CACNA2D3: variants seen among roughly 807,000 people sequenced by gnomAD.
CACNA2D3 encodes voltage-dependent calcium channel subunit alpha-2/delta-3.
In CACNA2D3, 60 loss-of-function variants were observed where a neutral mutation model predicts 160.6. That is an observed-to-expected ratio of 0.37 (90% confidence interval 0.30 to 0.46). The LOEUF (loss-of-function observed/expected upper bound fraction) is 0.46. Ranked by LOEUF, CACNA2D3 falls within the 20% of genes least tolerant of loss-of-function variation. The probability of loss-of-function intolerance (pLI) is 1.00; values close to 1 mark genes in which losing one functional copy is unlikely to be tolerated. For missense variants in CACNA2D3, 1,205 were observed against 1,365.0 expected (o/e 0.88, Z 1.85); for synonymous variants, 558 against 492.9 (o/e 1.13, Z -1.75).
At chr3:54,829,557 A>T (rs1183852877) in intron 14 of CACNA2D3, among the ~76,000 whole-genome samples, 1 of 152,130 alleles carries the variant, frequency 6.6e-6, no homozygotes, top group African/African-American at 2.4e-5. Context: ...TGGTGCCCTC[A>T]CAAACTAATT....
intron 4 of CACNA2D3, among the ~76,000 whole-genome samples, chr3:54,468,604 C>T (rs984871213): frequency 6.6e-6 from 1 of 152,118 alleles, no homozygotes; most frequent in Admixed American, 6.5e-5. Flanking sequence ...GGAAAGTGGG[C>T]TGAAGTCAGG....
Position 54,835,141 on chromosome 3 carries a change from T to G in CACNA2D3, c.1399-2018T>G, listed in dbSNP as rs75729555. 2.1e-3 allele frequency among the ~76,000 whole-genome samples: 324 copies of G among 152,310 alleles called. 15 individuals are homozygous for G. The East Asian group carries it at 0.057, about 27-fold the overall frequency. ...TCCCAGTCCTAGACAGACCAGGAGA[T>G]TCTTGCTTCATTTTACTTGTCACGG... is the stretch of plus-strand genomic sequence containing the variant. On this transcript the variant is annotated intron_variant, in intron 14 of 37. Coordinates refer to ENST00000474759, the MANE Select transcript of CACNA2D3 (RefSeq NM_018398.3).
At chr3:54,789,766 A>G (rs563609100) in intron 13 of CACNA2D3, 1 of 471,064 alleles carries the variant, frequency 2.1e-6, no homozygotes, top group Admixed American at 2.3e-5. Flanking sequence ...CAAAATTTAG[A>G]TTTTGGATTG....
intron 17 of CACNA2D3, among the ~76,000 whole-genome samples, chr3:54,862,399 ACACACG>A (rs776269906): frequency 4.3e-5 from 6 of 139,082 alleles, no homozygotes; most frequent in Admixed American, 3.0e-4. Context: ...ACACACACAC[ACACACG>A]CACACACACG....
intron 4 of CACNA2D3, among the ~76,000 whole-genome samples, chr3:54,401,726 T>C (rs1354276932): frequency 4.6e-5 from 7 of 152,142 alleles, no homozygotes; most frequent in Non-Finnish European, 1.0e-4. Flanking sequence ...TTATCACCAC[T>C]AAACCCGTCT....
intron 4 of CACNA2D3, among the ~76,000 whole-genome samples, chr3:54,466,681 C>T (rs1456720386): frequency 6.6e-6 from 1 of 152,150 alleles, no homozygotes; most frequent in Non-Finnish European, 1.5e-5. Flanking sequence ...CTTAGTATGA[C>T]TGATATAAAA....
At chr3:54,515,705 A>T (rs1184647483) in intron 5 of CACNA2D3, among the ~76,000 whole-genome samples, 2 of 152,200 alleles carry the variant, frequency 1.3e-5, no homozygotes, top group African/African-American at 4.8e-5. Flanking sequence ...CTCTAAAATG[A>T]TTCTGTGATA....
At chr3:54,760,648 C>T (rs553464230) in intron 12 of CACNA2D3, among the ~76,000 whole-genome samples, 1 of 151,996 alleles carries the variant, frequency 6.6e-6, no homozygotes, top group Admixed American at 6.5e-5. Flanking sequence ...GAGATGATGG[C>T]ATCTTGGAGT....
intron 2 of CACNA2D3, among the ~76,000 whole-genome samples, chr3:54,240,293 G>A (rs558560361): frequency 1.5e-3 from 224 of 152,186 alleles, no homozygotes; most frequent in Non-Finnish European, 2.6e-3. Context: ...CCCATTCGTT[G>A]GTTTTTGGAG....
intron 11 of CACNA2D3, among the ~76,000 whole-genome samples, chr3:54,676,624 C>A (rs1235819602): frequency 6.6e-6 from 1 of 152,092 alleles, no homozygotes; most frequent in Admixed American, 6.6e-5. Context: ...ATTGGAATTG[C>A]CCTTCCCATA....
chr3:54,333,649 G>T (rs1704316119), intron 3 of CACNA2D3, among the ~76,000 whole-genome samples: 1 of 151,626 alleles, frequency 6.6e-6, no homozygotes, highest in African/African-American at 2.4e-5. Context: ...GAGGGAGCTG[G>T]GAAGTGCAGC....
intron 10 of CACNA2D3, among the ~76,000 whole-genome samples, chr3:54,637,048 G>A (rs530907296): frequency 2.0e-5 from 3 of 151,960 alleles, no homozygotes; most frequent in Non-Finnish European, 4.4e-5. Context: ...GCACCACGGG[G>A]TGGATAGGCA....
intron 3 of CACNA2D3, among the ~76,000 whole-genome samples, chr3:54,332,054 T>C (rs73081650): frequency 0.085 from 12,891 of 152,254 alleles, 759 homozygotes; most frequent in South Asian, 0.13. Flanking sequence ...GTGGCACTTA[T>C]CTCTCTGCGC....
chr3:54,251,623 A>G (rs949353679), intron 2 of CACNA2D3, among the ~76,000 whole-genome samples: 23 of 152,320 alleles, frequency 1.5e-4, no homozygotes, highest in African/African-American at 5.3e-4. Flanking sequence ...CCTCTATACC[A>G]ATTCCATCTC....
intron 8 of CACNA2D3, among the ~76,000 whole-genome samples, chr3:54,572,799 C>G (rs1033741113): frequency 1.3e-5 from 2 of 152,202 alleles, no homozygotes; most frequent in African/African-American, 4.8e-5. Context: ...TAATATGAGA[C>G]TATCTTTCTT....
At chr3:54,168,055 T>G (rs1186258083) in intron 2 of CACNA2D3, among the ~76,000 whole-genome samples, 2 of 152,226 alleles carry the variant, frequency 1.3e-5, no homozygotes, top group Non-Finnish European at 2.9e-5. Context: ...TGCTCTATTT[T>G]TGTCTACATT....
chr3:54,915,930 T>C (rs1031451827), intron 27 of CACNA2D3, among the ~76,000 whole-genome samples: 5 of 152,192 alleles, frequency 3.3e-5, no homozygotes, highest in African/African-American at 1.2e-4. Flanking sequence ...TAAAAGGATA[T>C]AAGTGTTGAC....
chr3:54,468,878 G>T (rs971253477), intron 4 of CACNA2D3, among the ~76,000 whole-genome samples: 1 of 152,152 alleles, frequency 6.6e-6, no homozygotes, highest in Non-Finnish European at 1.5e-5. Flanking sequence ...TGCCTCTCTT[G>T]CCTCCTTTCT....
At chr3:55,058,007 CA>C (rs1374043253) in intron 35 of CACNA2D3, among the ~76,000 whole-genome samples, 1 of 152,060 alleles carries the variant, frequency 6.6e-6, no homozygotes, top group Non-Finnish European at 1.5e-5. Flanking sequence ...TCCATAGGAA[CA>C]GTAATTTAAA....
Sources: allele counts gnomAD v4.1 joint callset (sites outside exome capture counted in the v4.1 genomes callset), GRCh38; gene constraint gnomAD v4.1.1; transcripts MANE v1.5; gene names NCBI Gene and HGNC (gene_info 2026-07-23, HGNC 2026-07-21).